RABGAP1L: variants seen among roughly 807,000 people sequenced by gnomAD.
RABGAP1L encodes the protein RAB GTPase activating protein 1 like.
RABGAP1L carries 63 observed loss-of-function variants against 137.7 expected under a neutral mutation model. The observed-to-expected ratio is 0.46, with a 90% CI of 0.37 to 0.56. The LOEUF is 0.56. Ranked by LOEUF, RABGAP1L falls within the 20% of genes least tolerant of loss-of-function variation. The probability of loss-of-function intolerance (pLI) is 0.00; values close to 1 mark genes in which losing one functional copy is unlikely to be tolerated. For synonymous variants in RABGAP1L, 431 were observed against 433.7 expected (o/e 0.99, Z 0.08); for missense variants, 1,095 against 1,244.0 (o/e 0.88, Z 1.80).
intron 13 of RABGAP1L, among the ~76,000 whole-genome samples, chr1:174,532,243 C>G (rs1416291023): frequency 1.3e-5 from 2 of 151,288 alleles, no homozygotes; most frequent in Non-Finnish European, 2.9e-5. Context: ...CAGTCTTGCT[C>G]TGTCACCCAG....
intron 1 of RABGAP1L, among the ~76,000 whole-genome samples, chr1:174,214,948 C>T (rs938782090): frequency 1.3e-5 from 2 of 152,062 alleles, no homozygotes; most frequent in Non-Finnish European, 2.9e-5. Context: ...TTGAGTGATA[C>T]CCTAAAAGCA....
chr1:174,871,516 A>G (rs1652190286), intron 19 of RABGAP1L, among the ~76,000 whole-genome samples: 1 of 152,214 alleles, frequency 6.6e-6, no homozygotes. Flanking sequence ...TAACTGCAGG[A>G]TTTAACCAAG....
At chr1:174,631,790 T>G (rs1242075841) in intron 13 of RABGAP1L, among the ~76,000 whole-genome samples, 1 of 150,586 alleles carries the variant, frequency 6.6e-6, no homozygotes, top group Admixed American at 6.7e-5. Flanking sequence ...TGTATGTCTC[T>G]GCACGTGAGA....
intron 13 of RABGAP1L, among the ~76,000 whole-genome samples, chr1:174,589,726 A>T (rs1412769962): frequency 6.6e-6 from 1 of 152,164 alleles, no homozygotes; most frequent in Non-Finnish European, 1.5e-5. Context: ...TCTCCTTTCA[A>T]CAATGTATGT....
intron 12 of RABGAP1L, among the ~76,000 whole-genome samples, chr1:174,384,884 A>G (rs1686616377): frequency 6.6e-6 from 1 of 152,194 alleles, no homozygotes; most frequent in Non-Finnish European, 1.5e-5. Context: ...ATATTTGGTA[A>G]TTAATTATCT....
At chr1:174,439,837 C>T (rs1653919315) in intron 13 of RABGAP1L, among the ~76,000 whole-genome samples, 1 of 152,174 alleles carries the variant, frequency 6.6e-6, no homozygotes, top group Non-Finnish European at 1.5e-5. Flanking sequence ...GCAGTGTAGG[C>T]ACTTGAAATG....
chr1:174,448,282 G>A lies in RABGAP1L; in HGVS notation c.1710+54137G>A. ...TGCTGACATTTCTGATCATTGCTGG[G>A]AATCTAACAGTTATCTTTGTCTTTC... On this transcript the variant is annotated intron_variant, in intron 13 of 25. Transcript: ENST00000681986. The surrounding 1 kb of genome is among the most constrained non-coding windows in gnomAD (Gnocchi z 4.2). 6.2e-7 allele frequency: 1 copy of A among 1,613,444 alleles called. No individual in the cohort carries two copies. Among genetic ancestry groups the A allele is most frequent in the Non-Finnish European group, 8.5e-7 (1 of 1,179,412 alleles).
At chr1:174,178,177 C>G (rs778205329) in intron 1 of RABGAP1L, among the ~76,000 whole-genome samples, 3 of 152,064 alleles carry the variant, frequency 2.0e-5, no homozygotes, top group Non-Finnish European at 4.4e-5. Flanking sequence ...TTGTAGTTCT[C>G]CTTGAAGAGG....
At chr1:174,268,193 C>G (rs1031045153) in intron 7 of RABGAP1L, among the ~76,000 whole-genome samples, 18 of 151,250 alleles carry the variant, frequency 1.2e-4, no homozygotes, top group Admixed American at 5.9e-4. Context: ...ATTATGCTGT[C>G]ACTTTTTCAT....
In RABGAP1L at chr1:174,636,674, C is replaced by G. The variant is rs531843131; in HGVS notation, c.1711-701C>G. On this transcript the variant is annotated intron_variant, in intron 13 of 25. Coordinates refer to ENST00000681986, the MANE Select transcript of RABGAP1L (RefSeq NM_001366446.1). ...ATGGTCTGAGTTTTTATCAGATTGT[C>G]AGATTTAAAAATTAGATAATTTGTG... Among the ~76,000 whole-genome samples, 13 of 151,874 alleles carry G rather than the reference C, an allele frequency of 8.6e-5. 1 individual carries two copies. The highest frequency in any genetic ancestry group is 8.3e-4 in the South Asian group (4 of 4,798).
intron 19 of RABGAP1L, among the ~76,000 whole-genome samples, chr1:174,856,483 A>C (rs539332632): frequency 4.6e-5 from 7 of 152,234 alleles, no homozygotes; most frequent in African/African-American, 1.7e-4. Context: ...GCCCCATACA[A>C]ATATTCTCAG....
At position 174,969,405 on chromosome 1, in the gene RABGAP1L, GA is replaced by G; in HGVS notation, c.2544+19del. ...TGGATCAGGTAATCCTTAGAAATGA[GA>G]CTGTGATGACTTCCTCAGGGCAAAG... On this transcript the variant is annotated intron_variant, in intron 21 of 25. Coordinates refer to ENST00000681986, the MANE Select transcript of RABGAP1L (RefSeq NM_001366446.1). 6.6e-7 allele frequency: 1 copy of G among 1,518,656 alleles called. No individual in the cohort carries two copies. The highest frequency in any genetic ancestry group is 8.9e-7 in the Non-Finnish European group (1 of 1,118,044). The allele number at this position is 1,518,656 out of a possible 1,614,324, so 94.1% of individuals were successfully genotyped here.
chr1:174,928,634 T>TCTACTGATTGAGGGAAAAGATTC (rs1236705645), intron 19 of RABGAP1L, among the ~76,000 whole-genome samples: 3 of 152,146 alleles, frequency 2.0e-5, no homozygotes, highest in Non-Finnish European at 4.4e-5. Flanking sequence ...CTAATGATTG[T>TCTACTGATTGAGGGAAAAGATTC]CTACTGATTG....
chr1:174,614,383 G>GCCCCCACTCTCTTCTGGCTT (rs1553212544), intron 13 of RABGAP1L, among the ~76,000 whole-genome samples: 1 of 152,006 alleles, frequency 6.6e-6, no homozygotes, highest in East Asian at 1.9e-4. Flanking sequence ...TTGAATATTG[G>GCCCCCACTCTCTTCTGGCTT]CCCCCACTCT....
intron 17 of RABGAP1L, among the ~76,000 whole-genome samples, chr1:174,706,579 T>G (rs1350384524): frequency 6.6e-6 from 1 of 152,122 alleles, no homozygotes; most frequent in African/African-American, 2.4e-5. Flanking sequence ...TTTATTGAAG[T>G]ATAATAACAG....
rs964737598 is a variant in RABGAP1L, at chr1:174,224,800, G to T, written c.331+3636G>T. Among the ~76,000 whole-genome samples, 3 of 152,018 alleles carry T rather than the reference G, an allele frequency of 2.0e-5. No homozygotes were observed. The South Asian group carries it at 6.2e-4, about 32-fold the overall frequency. On this transcript the variant is annotated intron_variant, in intron 3 of 25. Transcript: ENST00000681986. ...TTTCCAGTGTCTTCTTGTCTCCATT[G>T]TTTCTGATAACAAATCTGAAGGGAT...
At chr1:174,854,682 T>C (rs1462408366) in intron 19 of RABGAP1L, among the ~76,000 whole-genome samples, 1 of 143,384 alleles carries the variant, frequency 7.0e-6, no homozygotes, top group African/African-American at 2.6e-5. Context: ...TTTTACCTTT[T>C]AAATTATAAC....
chr1:174,517,023 A>G (rs922211057), intron 13 of RABGAP1L, among the ~76,000 whole-genome samples: 1 of 152,032 alleles, frequency 6.6e-6, no homozygotes, highest in East Asian at 1.9e-4. Context: ...CCTGTATTCA[A>G]GTGTTAGCAC....
chr1:174,206,885 G>A (rs1251955811), intron 1 of RABGAP1L, among the ~76,000 whole-genome samples: 1 of 150,766 alleles, frequency 6.6e-6, no homozygotes, highest in Non-Finnish European at 1.5e-5. Flanking sequence ...CAAAAATGAT[G>A]TGGCATTAAA....
Sources: allele counts gnomAD v4.1 joint callset (sites outside exome capture counted in the v4.1 genomes callset), GRCh38; gene constraint gnomAD v4.1.1; non-coding constraint Gnocchi (gnomAD v3.1); transcripts MANE v1.5; gene names NCBI Gene and HGNC (gene_info 2026-07-23, HGNC 2026-07-21).